WDFY3: variants seen among roughly 807,000 people sequenced by gnomAD.
WDFY3 encodes WD repeat and FYVE domain-containing protein 3.
In WDFY3, 66 loss-of-function variants were observed where a neutral mutation model predicts 409.6. The observed-to-expected ratio is 0.16, with a 90% CI of 0.13 to 0.20. WDFY3 has a LOEUF of 0.20. Among genes scored for constraint, WDFY3 ranks in the 10% least tolerant of loss-of-function variants. The pLI, the probability that WDFY3 is intolerant of heterozygous loss-of-function variation, is 1.00. For missense variants in WDFY3, 3,031 were observed against 4,298.1 expected, an observed-to-expected ratio of 0.71 and a Z score of 8.24; for synonymous variants, 1,521 against 1,537.1, an observed-to-expected ratio of 0.99 and a Z score of 0.25.
chr4:84,690,389 G>T, intron 61 of WDFY3, 117 bp downstream of exon 61: 4 of 1,404,574 alleles, frequency 2.8e-6, no homozygotes, highest in Non-Finnish European at 3.9e-6. Flanking sequence ...ACGTCACTTT[G>T]GTTTTGTCCA....
intron 25 of WDFY3, among the ~76,000 whole-genome samples, chr4:84,782,687 A>T (rs1746759888): frequency 6.6e-6 from 1 of 152,208 alleles, no homozygotes; most frequent in African/African-American, 2.4e-5. Flanking sequence ...TTCTAGCTTC[A>T]TCTATGTCCC....
chr4:84,959,340 T>A (rs965684083), intron 1 of WDFY3, among the ~76,000 whole-genome samples: 2 of 152,156 alleles, frequency 1.3e-5, no homozygotes, highest in Non-Finnish European at 2.9e-5. Context: ...TTTCACATTT[T>A]AAAAAATTAA....
chr4:84,681,129 T>C (rs1376383575), intron 64 of WDFY3, among the ~76,000 whole-genome samples: 3 of 152,256 alleles, frequency 2.0e-5, no homozygotes, highest in Non-Finnish European at 2.9e-5. Context: ...CCCCAGCAAG[T>C]GCCCACAAAT....
At chr4:84,824,394 T>A (rs1024889187) in intron 10 of WDFY3, among the ~76,000 whole-genome samples, 1 of 152,080 alleles carries the variant, frequency 6.6e-6, no homozygotes, top group African/African-American at 2.4e-5. Flanking sequence ...AAGAAAAACA[T>A]AGAATATATA....
At chr4:84,799,305 C>T (rs900188203) in intron 17 of WDFY3, among the ~76,000 whole-genome samples, 2 of 151,174 alleles carry the variant, frequency 1.3e-5, no homozygotes, top group Non-Finnish European at 2.9e-5. Context: ...TACAGGCACA[C>T]GCCACCATGC....
Position 84,751,721 on chromosome 4 carries a change from TAA to T in WDFY3, c.5740-7_5740-6del, listed in dbSNP as rs1560664594. 1 of 1,614,036 alleles carries T rather than the reference TAA, an allele frequency of 6.2e-7. No homozygotes were observed. Among genetic ancestry groups the T allele is most frequent in the Admixed American group, 1.7e-5 (1 of 60,020 alleles). On this transcript the variant is annotated splice_polypyrimidine_tract_variant and splice_region_variant and intron_variant, in intron 35 of 67. Coordinates refer to ENST00000295888, the MANE Select transcript of WDFY3 (RefSeq NM_014991.6). ...TTCATCATCAAGGTCAGTCACCTAGTAAAATCAAGTGGAAAGATACGGTAATC... is the reference window on the plus strand; with the variant it reads ...TTCATCATCAAGGTCAGTCACCTAGTAATCAAGTGGAAAGATACGGTAATC...
chr4:84,691,796 G>C lies in WDFY3; in HGVS notation c.9050-11C>G. On this transcript the variant is annotated splice_polypyrimidine_tract_variant and intron_variant, in intron 59 of 67. Transcript: ENST00000295888. ...CAGGTTCTTTGAGTTCTAGAAAAAAGAAATCATGGTATTAGGACAGGAACA... is the reference window on the plus strand; with the variant it reads ...CAGGTTCTTTGAGTTCTAGAAAAAACAAATCATGGTATTAGGACAGGAACA... 6.2e-7 allele frequency: 1 copy of C among 1,602,912 alleles called. No homozygotes were observed. The highest frequency in any genetic ancestry group is 8.5e-7 in the Non-Finnish European group (1 of 1,172,688).
In WDFY3 at chr4:84,811,646, T is replaced by C. The variant is rs138125965; in HGVS notation, c.1888-1302A>G. Among the ~76,000 whole-genome samples, 381 of 152,350 alleles carry C rather than the reference T, an allele frequency of 2.5e-3. 1 individual carries two copies. The highest frequency in any genetic ancestry group is 8.6e-3 in the African/African-American group (358 of 41,582). On this transcript the variant is annotated intron_variant, in intron 13 of 67. Transcript: ENST00000295888. ...GCTCCTTTGCCCTCTGTTTCATTAA[T>C]TGTAGCACAATGGGTATCTACTATT...
At chr4:84,869,577 T>C (rs1444426019) in intron 3 of WDFY3, among the ~76,000 whole-genome samples, 1 of 152,136 alleles carries the variant, frequency 6.6e-6, no homozygotes, top group Non-Finnish European at 1.5e-5. Context: ...GATGTCCATG[T>C]AAAGAAACAA....
At chr4:84,768,223 T>G (rs2149403641) in intron 30 of WDFY3, among the ~76,000 whole-genome samples, 1 of 152,344 alleles carries the variant, frequency 6.6e-6, no homozygotes, top group East Asian at 1.9e-4. Flanking sequence ...CTGCAGTAAG[T>G]TATACAGAAG....
At chr4:84,804,916 C>A (rs903422012) in intron 15 of WDFY3, among the ~76,000 whole-genome samples, 2 of 152,102 alleles carry the variant, frequency 1.3e-5, no homozygotes, top group African/African-American at 4.8e-5. Context: ...ATCTTTACAT[C>A]TTTGGACACT....
chr4:84,746,954 C>T (rs1739557346), intron 36 of WDFY3, among the ~76,000 whole-genome samples: 1 of 152,044 alleles, frequency 6.6e-6, no homozygotes, highest in Admixed American at 6.5e-5. Flanking sequence ...CATACTCTCC[C>T]CACTCTACTA....
intron 3 of WDFY3, among the ~76,000 whole-genome samples, chr4:84,896,454 A>G (rs1036351034): frequency 6.6e-6 from 1 of 152,102 alleles, no homozygotes; most frequent in Non-Finnish European, 1.5e-5. Context: ...CCAAGTAGAA[A>G]AAACTATATA....
At chr4:84,831,170 G>C (rs1755660903) in intron 8 of WDFY3, among the ~76,000 whole-genome samples, 1 of 135,384 alleles carries the variant, frequency 7.4e-6, no homozygotes, top group African/African-American at 2.7e-5. Context: ...CTGGGCGACA[G>C]AGTGAGACTC....
rs1435553672 is a variant in WDFY3, at chr4:84,929,977, A to G, written c.-132+2293T>C. Among the ~76,000 whole-genome samples the G allele has an allele frequency of 2.0e-5, 3 of 152,152 alleles. No individual in the cohort carries two copies. The East Asian group carries it at 5.8e-4, about 29-fold the overall frequency. The stretch of plus-strand genomic sequence containing the variant: ...GAAGACCGTGCAAAGAGACACAGGG[A>G]AAAGATGGCCACCTAAAAGCCAAGA... On this transcript the variant is annotated intron_variant, in intron 2 of 67. Transcript: ENST00000295888.
chr4:84,807,398 A>AT (rs1378789851), intron 15 of WDFY3, among the ~76,000 whole-genome samples: 2 of 152,188 alleles, frequency 1.3e-5, no homozygotes, highest in Non-Finnish European at 2.9e-5. Context: ...CATATACCTA[A>AT]TATTACTATG....
chr4:84,829,223 T>C (rs768914054), intron 8 of WDFY3, 33 bp from the exon 9 acceptor site: 1 of 1,471,106 alleles, frequency 6.8e-7, no homozygotes, highest in Non-Finnish European at 9.1e-7. Context: ...AAATATGCAT[T>C]ATTCCTGACA....
At chr4:84,822,289 A>G (rs892287899) in intron 10 of WDFY3, among the ~76,000 whole-genome samples, 2 of 152,206 alleles carry the variant, frequency 1.3e-5, no homozygotes, top group Non-Finnish European at 2.9e-5. Context: ...AACAATACCT[A>G]TTAGGAGTAT....
At chr4:84,744,353 C>A (rs554452242) in intron 36 of WDFY3, among the ~76,000 whole-genome samples, 1 of 150,654 alleles carries the variant, frequency 6.6e-6, no homozygotes, top group East Asian at 1.9e-4. Context: ...AGGGGAAATA[C>A]ATTTGTAACA....
Sources: gnomAD v4.1 joint callset for allele counts (sites outside exome capture counted in the v4.1 genomes callset) on GRCh38, gnomAD v4.1.1 for gene constraint, MANE v1.5 for transcripts, NCBI Gene and HGNC (gene_info 2026-07-23, HGNC 2026-07-21) for gene names.